The following PLEKHA4 variants were observed in gnomAD, a reference collection of about 807,000 sequenced individuals.
The protein encoded by PLEKHA4 is pleckstrin homology domain-containing family A member 4.
Under a neutral mutation model 94.7 loss-of-function variants are expected in PLEKHA4, and 73 were observed. The ratio of observed to expected loss-of-function variants is 0.77; its 90% CI spans 0.64 to 0.94. The LOEUF (loss-of-function observed/expected upper bound fraction) is 0.94. PLEKHA4 is among the 40% of genes least tolerant of loss of function. The probability of loss-of-function intolerance (pLI) is 0.00; values close to 1 mark genes in which losing one functional copy is unlikely to be tolerated. For synonymous variants in PLEKHA4, 449 were observed against 437.1 expected (o/e 1.03, Z -0.34); for missense variants, 1,049 against 1,054.1 (o/e 1.00, Z 0.07).
At chr19:48,864,224 A>G (rs1408255384) in intron 3 of PLEKHA4, among the ~76,000 whole-genome samples, 1 of 149,300 alleles carries the variant, frequency 6.7e-6, no homozygotes, top group Non-Finnish European at 1.5e-5. Flanking sequence ...GCTGGAGTGC[A>G]ATGGCGCAAC....
intron 13 of PLEKHA4, among the ~76,000 whole-genome samples, chr19:48,850,223 C>T (rs12976589): frequency 0.15 from 21,765 of 145,118 alleles, 1,978 homozygotes; most frequent in African/African-American, 0.27. Context: ...AATAAGAGGG[C>T]GGCCAGGCGC....
chr19:48,855,202 G>A (rs2036355862), intron 9 of PLEKHA4, among the ~76,000 whole-genome samples: 1 of 151,788 alleles, frequency 6.6e-6, no homozygotes, highest in Non-Finnish European at 1.5e-5. Context: ...ACTCACTCCT[G>A]TAATCCCAAA....
Position 48,867,352 on chromosome 19 carries a change from G to T in PLEKHA4, c.84+185C>A, listed in dbSNP as rs4801778. ...TAGAATTAGGAAAATACAAAGGGTG[G>T]GGACAGAGCTGGGAGTGCCTCTGAA... On this transcript the variant is annotated intron_variant, in intron 2 of 19. Coordinates refer to ENST00000263265, the MANE Select transcript of PLEKHA4 (RefSeq NM_020904.3). The surrounding 1 kb of genome is among the most constrained non-coding windows in gnomAD (Gnocchi z 4.7). 0.17 allele frequency among the ~76,000 whole-genome samples: 25,292 copies of T among 152,144 alleles called. 2,287 individuals are homozygous for T. The highest frequency in any genetic ancestry group is 0.19 in the Non-Finnish European group (12,713 of 67,992).
At chr19:48,864,977 C>T (rs898080353) in intron 3 of PLEKHA4, among the ~76,000 whole-genome samples, 3 of 152,216 alleles carry the variant, frequency 2.0e-5, no homozygotes, top group Non-Finnish European at 4.4e-5. Flanking sequence ...AATATAAATA[C>T]TTTTGTGTTA....
At chr19:48,851,018 G>A (rs2123016934) in intron 13 of PLEKHA4, among the ~76,000 whole-genome samples, 1 of 151,970 alleles carries the variant, frequency 6.6e-6, no homozygotes, top group Admixed American at 6.6e-5. Context: ...GTGGTCATCT[G>A]TAATCCCAGG....
rs532826077 is a variant in PLEKHA4 at position 48,868,517 on chromosome 19, C to G, written c.-441G>C. 6.6e-6 allele frequency: 1 copy of G among 152,498 alleles called. No homozygotes were observed. Among genetic ancestry groups the G allele is most frequent in the East Asian group, 1.9e-4 (1 of 5,188 alleles). The allele number at this position is 152,498 out of a possible 1,614,324, so 9.4% of individuals were successfully genotyped here. A position where few individuals can be genotyped will look rare whatever the true frequency, so the allele number is the denominator to read the frequency against. ...TCTCTCCTTCACACTCAGTCTCTTCCTCTTTCTCTCTGGCTCTGCCGTTTC... is the reference window on the plus strand; with the variant it reads ...TCTCTCCTTCACACTCAGTCTCTTCGTCTTTCTCTCTGGCTCTGCCGTTTC... On this transcript the variant is annotated 5_prime_UTR_variant, in exon 1 of 20. Coordinates refer to ENST00000263265, the MANE Select transcript of PLEKHA4 (RefSeq NM_020904.3).
chr19:48,855,877 A>G lies in PLEKHA4; in HGVS notation c.1047+1545T>C, dbSNP rs374493364. On this transcript the variant is annotated intron_variant, in intron 9 of 19. Transcript: ENST00000263265. ...AACCCTGTCTCTACAAAAAGTAGAA[A>G]AAGTTAGCTAGGTGGCCAGGCGCAG... Among the ~76,000 whole-genome samples, 37 of 152,146 alleles carry G rather than the reference A, an allele frequency of 2.4e-4. No homozygotes were observed. In the East Asian group the frequency reaches 6.8e-3, roughly 28 times the overall value.
At position 48,853,686 on chromosome 19, in the gene PLEKHA4, G is replaced by C. The variant is rs1325253295; in HGVS notation, c.1322C>G (p.Thr441Ser). ...GGCCCCTTCCCAGGTGCTCACCTGA[G>C]TCAAGTGACAGAGGGTGGCCCTCAC... The part of the protein sequence containing the change: ...VSVRATLCHL[T>S]QERERVWDTY... Residue 441 changes from threonine (T) to serine (S), a missense_variant, in exon 12 of 20, where the codon ACT (threonine) becomes AGT (serine). By Grantham distance (58) the Thr-to-Ser change is moderately conservative (BLOSUM62 1). Transcript: ENST00000263265. 2 of 1,572,998 alleles carry C rather than the reference G, an allele frequency of 1.3e-6. No individual in the cohort carries two copies. The highest frequency in any genetic ancestry group is 1.7e-6 in the Non-Finnish European group (2 of 1,162,630).
chr19:48,837,797 T>G lies in PLEKHA4; in HGVS notation c.2077+220A>C, dbSNP rs951291081. On this transcript the variant is annotated intron_variant, in intron 19 of 19. Coordinates refer to ENST00000263265, the MANE Select transcript of PLEKHA4 (RefSeq NM_020904.3). The surrounding 1 kb of genome is among the most constrained non-coding windows in gnomAD (Gnocchi z 4.3). ...CTTTGAGACTCAGTTGTCGGCCCTC[T>G]CCCCGCCCCCTGACCTCTTCCTCCC... Among the ~76,000 whole-genome samples, 4 of 148,594 alleles carry G rather than the reference T, an allele frequency of 2.7e-5. No individual in the cohort carries two copies. The highest frequency in any genetic ancestry group is 1.0e-4 in the African/African-American group (4 of 39,980).
chr19:48,837,424 A>T lies in PLEKHA4; in HGVS notation c.2205T>A (p.Ser735=). 6.2e-7 allele frequency: 1 copy of T among 1,613,312 alleles called. No individual in the cohort carries two copies. ...CTCCTCCACGCCCACTCCCTCGGCG[A>T]GAGAACCCCGTGGAACCCGAATTAG... The part of the protein sequence containing the change: ...PVANSGSTGF[S]RRGSGRGGGP... Residue 735 remains serine (S), a synonymous_variant, in exon 20 of 20, where the codon TCT becomes TCA. Transcript: ENST00000263265. The surrounding 1 kb of genome is among the most constrained non-coding windows in gnomAD (Gnocchi z 4.3).
chr19:48,844,320 AATTTTTGT>A (rs1014177168), intron 16 of PLEKHA4: 18 of 344,402 alleles, frequency 5.2e-5, no homozygotes, highest in Non-Finnish European at 1.6e-5. Flanking sequence ...ACGCTCGGAT[AATTTTTGT>A]ATTTTTGTAG....
rs1281108701 is a variant in PLEKHA4, at chr19:48,859,458, T to C, written c.692+11A>G. On this transcript the variant is annotated intron_variant, in intron 7 of 19. Coordinates refer to ENST00000263265, the MANE Select transcript of PLEKHA4 (RefSeq NM_020904.3). The stretch of plus-strand genomic sequence containing the variant: ...TTAGGCCACGCCCACAACCATGTCC[T>C]CCCTACTCACTCGGGGCTCCTCGCC... 1.2e-6 allele frequency: 2 copies of C among 1,613,160 alleles called. No homozygotes were observed. The highest frequency in any genetic ancestry group is 1.3e-5 in the African/African-American group (1 of 74,888).
chr19:48,838,313 T>C, intron 18 of PLEKHA4, 184 bp from the exon 19 acceptor site: 1 of 453,780 alleles, frequency 2.2e-6, no homozygotes, highest in Admixed American at 3.6e-5. Flanking sequence ...ACTAGATTGT[T>C]TATACATCAA....
chr19:48,865,666 G>C, intron 2 of PLEKHA4, 56 bp from the exon 3 acceptor site: 1 of 1,308,468 alleles, frequency 7.6e-7, no homozygotes, highest in South Asian at 1.2e-5. Context: ...GTCCTGGGAG[G>C]GGGTGAGGGT....
chr19:48,856,457 C>T (rs1221821654), intron 9 of PLEKHA4, among the ~76,000 whole-genome samples: 2 of 151,076 alleles, frequency 1.3e-5, no homozygotes, highest in African/African-American at 2.4e-5. Context: ...CAGTGGCTTA[C>T]GCCTGTAATC....
chr19:48,857,374 A>T, intron 9 of PLEKHA4, 48 bp downstream of exon 9: 1 of 755,604 alleles, frequency 1.3e-6, no homozygotes, highest in South Asian at 1.6e-5. Flanking sequence ...TAGAGAAGAA[A>T]GGAAGGGAGG....
At chr19:48,841,011 T>C in intron 17 of PLEKHA4, 138 bp downstream of exon 17, 1 of 916,566 alleles carries the variant, frequency 1.1e-6, no homozygotes, top group South Asian at 1.7e-5. Flanking sequence ...CTAGCACAAG[T>C]ACAAACTGGG....
intron 13 of PLEKHA4, among the ~76,000 whole-genome samples, chr19:48,848,950 CG>C (rs2036080280): frequency 6.6e-6 from 1 of 151,572 alleles, no homozygotes; most frequent in Admixed American, 6.6e-5. Context: ...CCCAGGCTGG[CG>C]TGCAATGGCT....
Position 48,854,262 on chromosome 19 carries a change from C to T in PLEKHA4, c.1050G>A (p.Pro350=), listed in dbSNP as rs745503640. 1.7e-5 allele frequency: 28 copies of T among 1,613,848 alleles called. No individual in the cohort carries two copies. Among genetic ancestry groups the T allele is most frequent in the Admixed American group, 5.0e-5 (3 of 59,966 alleles). ...PGTRASMVLL[P]GPPLESTFHQ... ...GGAAAGTTGACTCCAGGGGAGGACC[C>T]GGCTGAAGAGAAGGAAAAAAGTCAG... The change falls in exon 10 of 20, where the codon CCG becomes CCA. Residue 350 remains proline (P), a splice_region_variant and synonymous_variant. Coordinates refer to ENST00000263265, the MANE Select transcript of PLEKHA4 (RefSeq NM_020904.3).
Sources: allele counts gnomAD v4.1 joint callset (sites outside exome capture counted in the v4.1 genomes callset), GRCh38; gene constraint gnomAD v4.1.1; non-coding constraint Gnocchi (gnomAD v3.1); transcripts MANE v1.5; gene names NCBI Gene and HGNC (gene_info 2026-07-23, HGNC 2026-07-21).